Variants in DNMT3B observed in about 807,000 individuals in gnomAD.
DNMT3B encodes the protein DNA (cytosine-5)-methyltransferase 3B.
A neutral mutation model predicts 120.2 loss-of-function variants in DNMT3B; 37 were observed. The ratio of observed to expected loss-of-function variants is 0.31; its 90% CI spans 0.24 to 0.40. The LOEUF is 0.40. Among genes scored for constraint, DNMT3B ranks in the 10% least tolerant of loss-of-function variants. The pLI is 1.00. For synonymous variants in DNMT3B, 412 were observed against 442.8 expected (o/e 0.93, Z 0.87); for missense variants, 878 against 1,137.3 (o/e 0.77, Z 3.28).
In DNMT3B at chr20:32,786,530, C is replaced by T; in HGVS notation, c.335C>T (p.Ser112Phe). ...AVRTRNNNSV[S>F]SRERHRPSPR... ...CGAACTCGAAATAACAACAGTGTCT[C>T]CAGCCGGGAGAGGCACAGGCCTTCC... Residue 112 changes from serine (S) to phenylalanine (F), a missense_variant, in exon 5 of 23, where the codon TCC becomes TTC. Transcript: ENST00000328111. 2 of 1,614,060 alleles carry T rather than the reference C, an allele frequency of 1.2e-6. No individual in the cohort carries two copies. Among genetic ancestry groups the T allele is most frequent in the Non-Finnish European group, 1.7e-6 (2 of 1,180,048 alleles).
rs886056611 is a variant in DNMT3B at position 32,762,482 on chromosome 20, C to A, written c.-224C>A. On this transcript the variant is annotated 5_prime_UTR_variant, in exon 1 of 23. Transcript: ENST00000328111. ...CCGCGTGGACGCTCCGAGCGCCCCC[C>A]GACGGACGGGACCGGCTCCCTGGCG... The A allele has an allele frequency of 1.5e-5, 3 of 203,080 alleles. No homozygotes were observed. The highest frequency in any genetic ancestry group is 3.0e-5 in the Non-Finnish European group (3 of 98,630). The allele number at this position is 203,080 out of a possible 1,614,324, so 12.6% of individuals were successfully genotyped here. A position where few individuals can be genotyped will look rare whatever the true frequency, so the allele number is the denominator to read the frequency against.
intron 1 of DNMT3B, 22 bp from the exon 2 acceptor site, chr20:32,780,296 C>T (rs780191958): frequency 6.2e-7 from 1 of 1,613,850 alleles, no homozygotes; most frequent in East Asian, 2.2e-5. Flanking sequence ...TTTCACCCCA[C>T]CCATTCTGGC....
At chr20:32,799,100 A>T in intron 15 of DNMT3B, 144 bp from the exon 16 acceptor site, 1 of 853,466 alleles carries the variant, frequency 1.2e-6, no homozygotes, top group South Asian at 1.4e-5. Flanking sequence ...TGTCTCCCCA[A>T]TCCCCATCAA....
chr20:32,799,387 G>A, intron 16 of DNMT3B, 59 bp downstream of exon 16: 1 of 1,568,048 alleles, frequency 6.4e-7, no homozygotes. Flanking sequence ...TAGCCAGGGA[G>A]TCAGAAGGCA....
At chr20:32,765,743 A>ATTTTTTCTTTTTTTTTTTTTTTTTTTTTT (rs1568815805) in intron 1 of DNMT3B, among the ~76,000 whole-genome samples, 2 of 89,644 alleles carry the variant, frequency 2.2e-5, no homozygotes, top group Non-Finnish European at 4.2e-5. Flanking sequence ...TTATTTATTT[A>ATTTTTTCTTTTTTTTTTTTTTTTTTTTTT]TTTTTTCTTT....
intron 1 of DNMT3B, among the ~76,000 whole-genome samples, chr20:32,763,563 C>T (rs1464905230): frequency 6.6e-6 from 1 of 152,246 alleles, no homozygotes; most frequent in African/African-American, 2.4e-5. Context: ...GCACCAGCTC[C>T]TGGAAGATAA....
chr20:32,762,806 A>T (rs1213124649), intron 1 of DNMT3B, 107 bp downstream of exon 1: 2 of 152,822 alleles, frequency 1.3e-5, no homozygotes, highest in Non-Finnish European at 2.9e-5. Flanking sequence ...GACCCTCTCC[A>T]GGGACCTCCC....
In DNMT3B at chr20:32,787,288, C is replaced by G; in HGVS notation, c.491C>G (p.Ser164Cys). 1.2e-6 allele frequency: 2 copies of G among 1,614,258 alleles called. No homozygotes were observed. Among genetic ancestry groups the G allele is most frequent in the Admixed American group, 1.7e-5 (1 of 60,030 alleles). The change falls in exon 6 of 23, where the codon TCT becomes TGT. Residue 164 changes from serine (S) to cysteine (C), a missense_variant. Physicochemically the swap from Ser to Cys is moderately radical, Grantham distance 112. Around this residue, in one of 4 missense-constraint regions of DNMT3B, gnomAD observed 287 missense variants for 306.2 expected, o/e 0.94. Coordinates refer to ENST00000328111, the MANE Select transcript of DNMT3B (RefSeq NM_006892.4). Reference sequence around the variant, plus strand: ...ACGCCATGGCCGTCCCCTCCCAGCTCTTACCTTACCATCGACCTCACAGAC... The same window carrying G: ...ACGCCATGGCCGTCCCCTCCCAGCTGTTACCTTACCATCGACCTCACAGAC... ...AGTPWPSPPS[S>C]YLTIDLTDDT...
chr20:32,800,330 C>T, intron 17 of DNMT3B, 32 bp downstream of exon 17: 3 of 1,613,582 alleles, frequency 1.9e-6, no homozygotes, highest in Non-Finnish European at 2.5e-6. Context: ...CGGGCCTCAT[C>T]TCTTCCTGTC....
intron 10 of DNMT3B, among the ~76,000 whole-genome samples, chr20:32,795,113 G>C (rs570665783): frequency 6.6e-6 from 1 of 152,196 alleles, no homozygotes; most frequent in Non-Finnish European, 1.5e-5. Context: ...ACAGACATGG[G>C]TATGCCAGGC....
At chr20:32,778,641 T>G (rs1022000850) in intron 1 of DNMT3B, among the ~76,000 whole-genome samples, 2 of 152,198 alleles carry the variant, frequency 1.3e-5, no homozygotes, top group Non-Finnish European at 2.9e-5. Context: ...CGGTGCCCCC[T>G]GGTGGGCGAT....
chr20:32,777,551 C>T (rs1252738664), intron 1 of DNMT3B, among the ~76,000 whole-genome samples: 1 of 152,158 alleles, frequency 6.6e-6, no homozygotes, highest in Admixed American at 6.5e-5. Context: ...CAGCTCCTGG[C>T]CACAAACAAA....
In DNMT3B at chr20:32,794,467, T is replaced by A. The variant is rs6088007; in HGVS notation, c.1126+872T>A. On this transcript the variant is annotated intron_variant, in intron 10 of 22. Transcript: ENST00000328111. The stretch of plus-strand genomic sequence containing the variant: ...GAGGCTGAGGCAGGCAGATCCCTTG[T>A]GGTCGGGAGTTCACCAGCCTGGCCA... 5.0e-3 allele frequency among the ~76,000 whole-genome samples: 764 copies of A among 151,996 alleles called. 3 individuals carry two copies. Among genetic ancestry groups the A allele is most frequent in the Non-Finnish European group, 8.2e-3 (558 of 67,982 alleles).
intron 10 of DNMT3B, 23 bp downstream of exon 10, chr20:32,793,618 CTG>C (rs765678596): frequency 6.8e-6 from 11 of 1,612,694 alleles, no homozygotes; most frequent in Non-Finnish European, 9.3e-6. Flanking sequence ...TGTCTTTTGA[CTG>C]TGCCCTGTTT....
At chr20:32,792,446 G>A (rs1980086404) in intron 8 of DNMT3B, among the ~76,000 whole-genome samples, 180 bp from the exon 9 acceptor site, 2 of 152,126 alleles carry the variant, frequency 1.3e-5, no homozygotes, top group South Asian at 2.1e-4. Flanking sequence ...CCCTTCCGAG[G>A]CCTCTCCCTG....
chr20:32,762,930 G>A (rs534106649), intron 1 of DNMT3B, among the ~76,000 whole-genome samples: 1 of 152,170 alleles, frequency 6.6e-6, no homozygotes, highest in African/African-American at 2.4e-5. Flanking sequence ...GGGGACATAC[G>A]TCTGACGGGG....
Position 32,787,399 on chromosome 20 carries a change from A to C in DNMT3B, c.602A>C (p.Glu201Ala), listed in dbSNP as rs1979453586. The stretch of plus-strand genomic sequence containing the variant: ...CAGGACAGCCAGCAGGGGGGCATGG[A>C]GTCCCCGCAGGTGGAGGCAGACAGT... ...LAQDSQQGGM[E>A]SPQVEADSGD... is the part of the protein sequence containing the mutation. Residue 201 changes from glutamate (E) to alanine (A), a missense_variant, in exon 6 of 23, where the codon GAG becomes GCG. By Grantham distance (107) the Glu-to-Ala change is moderately radical. This residue lies in a region of DNMT3B where 287 missense variants were observed against 306.2 expected (regional missense o/e 0.94). Coordinates refer to ENST00000328111, the MANE Select transcript of DNMT3B (RefSeq NM_006892.4). 1 of 1,614,116 alleles carries C rather than the reference A, an allele frequency of 6.2e-7. No individual in the cohort carries two copies. The highest frequency in any genetic ancestry group is 1.7e-5 in the Admixed American group (1 of 60,008).
intron 1 of DNMT3B, among the ~76,000 whole-genome samples, chr20:32,774,232 C>T (rs148363357): frequency 9.2e-4 from 139 of 150,722 alleles, no homozygotes; most frequent in Non-Finnish European, 1.5e-3. Context: ...TTTTTTGAGA[C>T]GGAGTCTCGC....
chr20:32,799,226 T>G lies in DNMT3B; in HGVS notation c.1675-18T>G. The G allele has an allele frequency of 6.2e-7, 1 of 1,606,728 alleles. No homozygotes were observed. The highest frequency in any genetic ancestry group is 2.2e-5 in the East Asian group (1 of 44,752). ...GCCCTGTGCCTTCACCACCATGACC[T>G]CCTTCCTTACCTGGCAGGAAGCCCC... On this transcript the variant is annotated intron_variant, in intron 15 of 22. Coordinates refer to ENST00000328111, the MANE Select transcript of DNMT3B (RefSeq NM_006892.4).
Sources: gnomAD v4.1 joint callset for allele counts (sites outside exome capture counted in the v4.1 genomes callset) on GRCh38, gnomAD v4.1.1 for gene constraint, gnomAD v4.1.1 regional missense constraint, MANE v1.5 for transcripts, NCBI Gene and HGNC (gene_info 2026-07-23, HGNC 2026-07-21) for gene names.